Variants in THRB observed in about 807,000 individuals in gnomAD.
THRB encodes nuclear receptor subfamily 1 group A member 2.
Under a neutral mutation model 47.8 loss-of-function variants are expected in THRB, and 12 were observed. The ratio of observed to expected loss-of-function variants is 0.25; its 90% CI spans 0.16 to 0.41. The LOEUF (loss-of-function observed/expected upper bound fraction) is 0.41. Among genes scored for constraint, THRB ranks in the 10% least tolerant of loss-of-function variants. The pLI is 1.00. For synonymous variants in THRB, 218 were observed against 212.2 expected (o/e 1.03, Z -0.24); for missense variants, 348 against 589.2 (o/e 0.59, Z 4.24).
intron 9 of THRB, among the ~76,000 whole-genome samples, chr3:24,132,358 A>G (rs984588842): frequency 6.6e-6 from 1 of 152,214 alleles, no homozygotes; most frequent in East Asian, 1.9e-4. Flanking sequence ...AAAAAAGAAG[A>G]AGGTTAGAGG....
At chr3:24,125,166 C>A (rs2032502986) in intron 10 of THRB, among the ~76,000 whole-genome samples, 1 of 152,176 alleles carries the variant, frequency 6.6e-6, no homozygotes, top group South Asian at 2.1e-4. Context: ...TAATAAAAAT[C>A]CATTTGACAT....
chr3:24,423,459 C>T (rs1422758980), intron 1 of THRB, among the ~76,000 whole-genome samples: 2 of 151,656 alleles, frequency 1.3e-5, no homozygotes, highest in African/African-American at 2.4e-5. Context: ...ACTATTATTT[C>T]CATAGACAAG....
In THRB at chr3:24,353,867, T is replaced by G. The variant is rs559332867; in HGVS notation, c.-260-16496A>C. Reference sequence around the variant, plus strand: ...AACACTAAGATGAGGGCAAGTCATCTCAATCTCTTGCTAAGCATTGCTAAA... The same window carrying G: ...AACACTAAGATGAGGGCAAGTCATCGCAATCTCTTGCTAAGCATTGCTAAA... On this transcript the variant is annotated intron_variant, in intron 1 of 10. Transcript: ENST00000646209. 5.3e-5 allele frequency among the ~76,000 whole-genome samples: 8 copies of G among 152,318 alleles called. No individual in the cohort carries two copies. The East Asian group carries it at 1.5e-3, about 29-fold the overall frequency.
At chr3:24,306,285 C>A (rs536237787) in intron 2 of THRB, among the ~76,000 whole-genome samples, 1 of 152,306 alleles carries the variant, frequency 6.6e-6, no homozygotes, top group African/African-American at 2.4e-5. Flanking sequence ...CATGCCAGGC[C>A]TGCGCTGGAA....
chr3:24,383,650 A>G (rs1275579078), intron 1 of THRB, among the ~76,000 whole-genome samples: 1 of 152,128 alleles, frequency 6.6e-6, no homozygotes, highest in Non-Finnish European at 1.5e-5. Flanking sequence ...ATACTAACAC[A>G]ATTCTCTTTT....
chr3:24,187,412 T>C (rs940822552), intron 5 of THRB, among the ~76,000 whole-genome samples: 2 of 152,212 alleles, frequency 1.3e-5, no homozygotes, highest in Admixed American at 6.5e-5. Flanking sequence ...ACTGCACAGC[T>C]TCAAGGAAGT....
chr3:24,357,439 T>G (rs960069294), intron 1 of THRB, among the ~76,000 whole-genome samples: 4 of 142,608 alleles, frequency 2.8e-5, no homozygotes, highest in Non-Finnish European at 4.6e-5. Context: ...TAAAACATTA[T>G]GTGGTTAAAA....
intron 1 of THRB, among the ~76,000 whole-genome samples, chr3:24,462,755 A>T (rs2073811722): frequency 6.6e-6 from 1 of 152,170 alleles, no homozygotes; most frequent in South Asian, 2.1e-4. Flanking sequence ...GGCTCTTCAG[A>T]TGCCACTGAG....
intron 1 of THRB, among the ~76,000 whole-genome samples, chr3:24,440,574 C>T (rs1320022368): frequency 6.6e-6 from 1 of 151,968 alleles, no homozygotes; most frequent in Non-Finnish European, 1.5e-5. Flanking sequence ...AATATAAAAA[C>T]AGAATATAAA....
intron 4 of THRB, 73 bp downstream of exon 4, chr3:24,228,865 A>T: frequency 7.2e-7 from 1 of 1,390,058 alleles, no homozygotes; most frequent in Non-Finnish European, 1.0e-6. Flanking sequence ...GTTAATCTTT[A>T]AGAATCTATA....
At chr3:24,319,483 T>C (rs932547569) in intron 2 of THRB, among the ~76,000 whole-genome samples, 15 of 152,236 alleles carry the variant, frequency 9.9e-5, no homozygotes, top group Non-Finnish European at 1.6e-4. Context: ...ATATGTATTA[T>C]GTAATATGTA....
At chr3:24,425,045 C>A (rs1434335125) in intron 1 of THRB, among the ~76,000 whole-genome samples, 6 of 151,702 alleles carry the variant, frequency 4.0e-5, no homozygotes, top group Non-Finnish European at 8.8e-5. Context: ...TTTAATCCAT[C>A]CTTTATCAGT....
intron 5 of THRB, among the ~76,000 whole-genome samples, chr3:24,162,288 T>C (rs906872688): frequency 6.6e-6 from 1 of 152,074 alleles, no homozygotes; most frequent in Non-Finnish European, 1.5e-5. Flanking sequence ...TTCTCCTCCA[T>C]CTGATTCCAA....
At chr3:24,369,548 G>A (rs921459889) in intron 1 of THRB, among the ~76,000 whole-genome samples, 6 of 152,024 alleles carry the variant, frequency 3.9e-5, no homozygotes, top group South Asian at 2.1e-4. Flanking sequence ...GACGGCATAC[G>A]ATAGAAGTCT....
chr3:24,123,899 G>A (rs2032191365), intron 10 of THRB, among the ~76,000 whole-genome samples: 1 of 152,162 alleles, frequency 6.6e-6, no homozygotes, highest in Non-Finnish European at 1.5e-5. Context: ...TAGTATGTGG[G>A]AGAGGCTCAA....
intron 1 of THRB, among the ~76,000 whole-genome samples, chr3:24,357,357 A>AC (rs1560010604): frequency 5.1e-5 from 7 of 137,848 alleles, no homozygotes; most frequent in African/African-American, 1.5e-4. Flanking sequence ...AAAAAAAAAA[A>AC]AAAAAAAAAA....
At chr3:24,302,566 C>T (rs2057022064) in intron 2 of THRB, among the ~76,000 whole-genome samples, 1 of 152,206 alleles carries the variant, frequency 6.6e-6, no homozygotes, top group African/African-American at 2.4e-5. Context: ...TCACAGTTGT[C>T]TGCACAGCAG....
chr3:24,222,679 G>A (rs1324909474), intron 4 of THRB, among the ~76,000 whole-genome samples: 1 of 152,180 alleles, frequency 6.6e-6, no homozygotes, highest in East Asian at 1.9e-4. Flanking sequence ...TTCCTTTCTA[G>A]CCTACTTGCA....
intron 1 of THRB, among the ~76,000 whole-genome samples, chr3:24,490,357 A>G (rs1577968271): frequency 6.6e-6 from 1 of 152,362 alleles, no homozygotes; most frequent in Middle Eastern, 3.4e-3. Context: ...GATGCAATGC[A>G]GGCAGCAAAC....
Sources: allele counts gnomAD v4.1 joint callset (sites outside exome capture counted in the v4.1 genomes callset), GRCh38; gene constraint gnomAD v4.1.1; transcripts MANE v1.5; gene names NCBI Gene and HGNC (gene_info 2026-07-23, HGNC 2026-07-21).